Variants in CAMK1D observed in about 807,000 individuals in gnomAD.
CAMK1D encodes the protein calcium/calmodulin-dependent protein kinase type 1D.
Under a neutral mutation model 47.7 loss-of-function variants are expected in CAMK1D, and 9 were observed. That is an observed-to-expected ratio of 0.19 (90% CI 0.11 to 0.33). The LOEUF is 0.33. CAMK1D is among the 10% of genes least tolerant of loss of function. The probability of loss-of-function intolerance (pLI) is 1.00; values close to 1 mark genes in which losing one functional copy is unlikely to be tolerated. For missense variants in CAMK1D, 291 were observed against 488.7 expected (o/e 0.60, Z 3.81); for synonymous variants, 184 against 184.9 (o/e 0.99, Z 0.04).
At chr10:12,731,184 T>A (rs1834864391) in intron 3 of CAMK1D, among the ~76,000 whole-genome samples, 1 of 152,038 alleles carries the variant, frequency 6.6e-6, no homozygotes, top group African/African-American at 2.4e-5. Context: ...TCAAATCAGG[T>A]CCTTGAGCAG....
At chr10:12,459,931 G>GA (rs1833373377) in intron 1 of CAMK1D, among the ~76,000 whole-genome samples, 1 of 152,252 alleles carries the variant, frequency 6.6e-6, no homozygotes, top group South Asian at 2.1e-4. Flanking sequence ...GAGAATGAAG[G>GA]AAAAATAACA....
At chr10:12,711,018 A>C (rs1347420677) in intron 3 of CAMK1D, among the ~76,000 whole-genome samples, 1 of 152,098 alleles carries the variant, frequency 6.6e-6, no homozygotes, top group Non-Finnish European at 1.5e-5. Flanking sequence ...GTCAAAATCC[A>C]CCTCCCACAT....
chr10:12,771,173 G>A (rs187994445), intron 5 of CAMK1D, among the ~76,000 whole-genome samples: 27 of 152,112 alleles, frequency 1.8e-4, no homozygotes, highest in African/African-American at 6.3e-4. Flanking sequence ...CAGGTGATCC[G>A]CCCACCTCAG....
intron 2 of CAMK1D, among the ~76,000 whole-genome samples, chr10:12,605,416 A>G (rs1838428150): frequency 6.6e-6 from 1 of 151,618 alleles, no homozygotes; most frequent in Non-Finnish European, 1.5e-5. Context: ...CCCCTTGGCC[A>G]GAACTTCACT....
intron 3 of CAMK1D, among the ~76,000 whole-genome samples, chr10:12,714,560 A>G (rs1834047880): frequency 6.6e-6 from 1 of 152,132 alleles, no homozygotes; most frequent in Non-Finnish European, 1.5e-5. Flanking sequence ...CTCACTAAAA[A>G]TACAAAAAAT....
intron 2 of CAMK1D, among the ~76,000 whole-genome samples, chr10:12,636,587 C>T (rs1839518168): frequency 6.6e-6 from 1 of 152,190 alleles, no homozygotes. Flanking sequence ...CTCAGCCTCC[C>T]AAAGTGCTGG....
intron 2 of CAMK1D, among the ~76,000 whole-genome samples, chr10:12,639,776 T>G (rs1839617264): frequency 6.6e-6 from 1 of 152,204 alleles, no homozygotes; most frequent in African/African-American, 2.4e-5. Context: ...CCTTAGATGC[T>G]TCTCATGATA....
chr10:12,669,357 G>A (rs116788000), intron 3 of CAMK1D, among the ~76,000 whole-genome samples: 1 of 152,146 alleles, frequency 6.6e-6, no homozygotes, highest in African/African-American at 2.4e-5. Flanking sequence ...TATGAGATTT[G>A]TCGAGCAAAT....
intron 1 of CAMK1D, among the ~76,000 whole-genome samples, chr10:12,356,972 T>C (rs1837537417): frequency 6.6e-6 from 1 of 151,948 alleles, no homozygotes; most frequent in South Asian, 2.1e-4. Flanking sequence ...ACTTGTTGAG[T>C]TTTCCTTTGG....
chr10:12,763,706 A>G (rs1019657619), intron 4 of CAMK1D, among the ~76,000 whole-genome samples: 1 of 152,244 alleles, frequency 6.6e-6, no homozygotes, highest in Non-Finnish European at 1.5e-5. Context: ...TCACTGGAGT[A>G]GGAATGTGAT....
chr10:12,730,001 G>T (rs1182274525), intron 3 of CAMK1D, among the ~76,000 whole-genome samples: 1 of 152,270 alleles, frequency 6.6e-6, no homozygotes. Flanking sequence ...ATGCAGAGCC[G>T]CTGGGAGATT....
chr10:12,681,512 G>C (rs1435321710), intron 3 of CAMK1D, among the ~76,000 whole-genome samples: 1 of 152,250 alleles, frequency 6.6e-6, no homozygotes, highest in African/African-American at 2.4e-5. Context: ...TCGGATGAGT[G>C]GCAGCTGCTG....
chr10:12,831,299 T>C lies in CAMK1D; in HGVS notation c.*2412T>C, dbSNP rs1216393898. On this transcript the variant is annotated 3_prime_UTR_variant, in exon 11 of 11. Transcript: ENST00000619168. ...AGGCGGTTGCTTACTAAGAAGTGTCTTGGAAACATTCGAGTTCATACAGTG... is the reference window on the plus strand; with the variant it reads ...AGGCGGTTGCTTACTAAGAAGTGTCCTGGAAACATTCGAGTTCATACAGTG... The C allele has an allele frequency of 6.6e-6, 1 of 152,192 alleles. No homozygotes were observed. Among genetic ancestry groups the C allele is most frequent in the Non-Finnish European group, 1.5e-5 (1 of 68,044 alleles). The allele number at this position is 152,192 out of a possible 1,614,324, so 9.4% of individuals were successfully genotyped here.
chr10:12,554,644 T>C (rs1378556874), intron 2 of CAMK1D, among the ~76,000 whole-genome samples: 11 of 152,208 alleles, frequency 7.2e-5, no homozygotes, highest in African/African-American at 2.4e-4. Context: ...TCAAGTGATC[T>C]TCCCACCTCT....
chr10:12,408,317 T>G (rs895192448), intron 1 of CAMK1D, among the ~76,000 whole-genome samples: 10 of 151,808 alleles, frequency 6.6e-5, no homozygotes, highest in African/African-American at 2.4e-4. Context: ...GCCCGCTACC[T>G]CGCCCGGCTA....
At chr10:12,681,012 G>A (rs767239693) in intron 3 of CAMK1D, among the ~76,000 whole-genome samples, 1 of 152,038 alleles carries the variant, frequency 6.6e-6, no homozygotes, top group Non-Finnish European at 1.5e-5. Context: ...CGGCTTTGGT[G>A]GTCGACTCAT....
chr10:12,559,402 CCCACCCG>C (rs1836865967), intron 2 of CAMK1D, among the ~76,000 whole-genome samples: 2 of 152,242 alleles, frequency 1.3e-5, no homozygotes, highest in African/African-American at 2.4e-5. Context: ...AAGCATCTCC[CCCACCCG>C]CCACCCACTG....
chr10:12,682,831 A>ATTT (rs1832496836), intron 3 of CAMK1D, among the ~76,000 whole-genome samples: 1 of 152,024 alleles, frequency 6.6e-6, no homozygotes, highest in Non-Finnish European at 1.5e-5. Context: ...ATATTTACTT[A>ATTT]GTCAACACAA....
At position 12,539,056 on chromosome 10, in the gene CAMK1D, C is replaced by T. The variant is rs549650067; in HGVS notation, c.93-14169C>T. The stretch of plus-strand genomic sequence containing the variant: ...TGCTGGGATTACAGGCATGAGCCAC[C>T]ACGCCTGGCCTCCGTCGTATTTTTA... On this transcript the variant is annotated intron_variant, in intron 1 of 10. Transcript: ENST00000619168. Among the ~76,000 whole-genome samples the T allele has an allele frequency of 6.6e-5, 10 of 152,284 alleles. 1 individual carries two copies. The highest frequency in any genetic ancestry group is 6.5e-4 in the Admixed American group (10 of 15,296).
Sources: allele counts gnomAD v4.1 joint callset (sites outside exome capture counted in the v4.1 genomes callset), GRCh38; gene constraint gnomAD v4.1.1; transcripts MANE v1.5; gene names NCBI Gene and HGNC (gene_info 2026-07-23, HGNC 2026-07-21).